STRA8: variants seen among roughly 807,000 people sequenced by gnomAD.
STRA8 encodes the protein stimulated by retinoic acid gene 8 protein homolog.
Under a neutral mutation model 37.1 loss-of-function variants are expected in STRA8, and 18 were observed. The observed-to-expected ratio is 0.48, with a 90% CI of 0.34 to 0.72. The LOEUF (loss-of-function observed/expected upper bound fraction) is 0.72, where lower values mean the gene tolerates loss of function less well. STRA8 is among the 30% of genes least tolerant of loss of function. The probability of loss-of-function intolerance (pLI) is 0.01; values close to 1 mark genes in which losing one functional copy is unlikely to be tolerated. For synonymous variants in STRA8, 168 were observed against 162.9 expected (o/e 1.03, Z -0.24); for missense variants, 357 against 410.4 (o/e 0.87, Z 1.13).
chr7:135,240,552 C>CCCTGAAGAAAA lies in STRA8; in HGVS notation c.30_31insTGAAGAAAACC (p.His11Ter). 6.2e-7 allele frequency: 1 copy of CCCTGAAGAAAA among 1,614,132 alleles called. No individual in the cohort carries two copies. The highest frequency in any genetic ancestry group is 1.7e-5 in the Admixed American group (1 of 60,010). On this transcript the variant is annotated stop_gained and frameshift_variant, in exon 2 of 9. Transcript: ENST00000662584. LOFTEE classifies it high-confidence loss of function. ...GGCAACCCCTGAAGAAAACAGCAAT[C>CCCTGAAGAAAA]CCCATGACAGAGCAACACCCCAGCT...
Position 135,246,292 on chromosome 7 carries a change from C to G in STRA8, c.594-125C>G, listed in dbSNP as rs978615606. The G allele has an allele frequency of 2.3e-6, 3 of 1,301,468 alleles. No homozygotes were observed. Among genetic ancestry groups the G allele is most frequent in the Non-Finnish European group, 3.2e-6 (3 of 928,572 alleles). 80.6% of individuals were successfully genotyped at this position (1,301,468 alleles called of 1,614,324 possible). A position where few individuals can be genotyped will look rare whatever the true frequency, so the allele number is the denominator to read the frequency against. ...CAGGGGCGTGCAGAGTCTGAGAAGT[C>G]TCAGCCCTGGTGAGCCGTGGCGCCG... is the stretch of plus-strand genomic sequence containing the variant. On this transcript the variant is annotated intron_variant, in intron 5 of 8. Transcript: ENST00000662584. The surrounding 1 kb of genome is among the most constrained non-coding windows in gnomAD (Gnocchi z 5.4).
At chr7:135,232,007 T>C (rs773111637), upstream of STRA8, 9 of 1,614,102 alleles carry the variant, frequency 5.6e-6, no homozygotes, top group Non-Finnish European at 7.6e-6. Flanking sequence ...GACAAGATCC[T>C]CTTTTTCAAT....
intron 4 of STRA8, 118 bp from the exon 5 acceptor site, chr7:135,245,170 C>CCAA: frequency 1.5e-6 from 1 of 689,364 alleles, no homozygotes. Context: ...ATGATGTGTA[C>CCAA]ACCTACACAC....
At chr7:135,243,955 C>G (rs2117800008) in intron 4 of STRA8, among the ~76,000 whole-genome samples, 1 of 152,342 alleles carries the variant, frequency 6.6e-6, no homozygotes. Context: ...GTCACAAATG[C>G]TGAAAGGGGA....
rs551242009 is a variant in STRA8 at position 135,247,920 on chromosome 7, C to A, written c.879+1218C>A. Among the ~76,000 whole-genome samples, 554 of 152,354 alleles carry A rather than the reference C, an allele frequency of 3.6e-3. 3 individuals are homozygous for A. Among genetic ancestry groups the A allele is most frequent in the African/African-American group, 0.012 (514 of 41,582 alleles). ...CACGGCCCACGCTCGCTCCTCTAGC[C>A]CAGGCGCAGCCGATTCGCATTCTGC... On this transcript the variant is annotated intron_variant, in intron 6 of 8. Coordinates refer to ENST00000662584, the MANE Select transcript of STRA8 (RefSeq NM_001394401.1).
At chr7:135,242,941 C>A in intron 3 of STRA8, 85 bp downstream of exon 3, 1 of 1,410,820 alleles carries the variant, frequency 7.1e-7, no homozygotes. Flanking sequence ...AGTTGGGTTA[C>A]AATGAATCAA....
upstream of STRA8, among the ~76,000 whole-genome samples, chr7:135,232,568 G>A (rs1832309221): frequency 6.6e-6 from 1 of 151,972 alleles, no homozygotes; most frequent in African/African-American, 2.4e-5. Flanking sequence ...GCTTGAGCCC[G>A]GGAATTCGAG....
intron 7 of STRA8, among the ~76,000 whole-genome samples, chr7:135,253,398 AG>A (rs1405282068): frequency 6.6e-6 from 1 of 152,192 alleles, no homozygotes; most frequent in Non-Finnish European, 1.5e-5. Flanking sequence ...TCTAGCACCC[AG>A]GGCAGCTTGC....
At chr7:135,257,269 G>C (rs2129480116) in intron 8 of STRA8, among the ~76,000 whole-genome samples, 1 of 152,284 alleles carries the variant, frequency 6.6e-6, no homozygotes, top group East Asian at 1.9e-4. Flanking sequence ...CTGATCTGCA[G>C]GGCTGACAAG....
chr7:135,233,964 T>C (rs1832329377), intron 1 of STRA8, among the ~76,000 whole-genome samples, 61 bp downstream of exon 1: 1 of 152,200 alleles, frequency 6.6e-6, no homozygotes, highest in Non-Finnish European at 1.5e-5. Flanking sequence ...AGTGTTTGTG[T>C]AGACTTGAAA....
chr7:135,237,709 C>T lies in STRA8; in HGVS notation c.-6-2810C>T, dbSNP rs59101961. On this transcript the variant is annotated intron_variant, in intron 1 of 8. Transcript: ENST00000662584. The stretch of plus-strand genomic sequence containing the variant: ...GAGTTCGAGACCAGCCTGACCAACA[C>T]GGTGAAACCCCGTCTCTACTAAAAA... Among the ~76,000 whole-genome samples the T allele has an allele frequency of 2.7e-4, 41 of 152,096 alleles. No homozygotes were observed. The East Asian group carries it at 7.2e-3, about 27-fold the overall frequency.
chr7:135,238,771 TCA>T (rs1585467933), intron 1 of STRA8, among the ~76,000 whole-genome samples: 1 of 152,246 alleles, frequency 6.6e-6, no homozygotes, highest in Non-Finnish European at 1.5e-5. Flanking sequence ...TTCAAAATCT[TCA>T]CAGTTTCACT....
intron 1 of STRA8, among the ~76,000 whole-genome samples, chr7:135,235,039 T>A (rs1832349441): frequency 6.6e-6 from 1 of 151,546 alleles, no homozygotes; most frequent in Non-Finnish European, 1.5e-5. Flanking sequence ...GCCCAGATAA[T>A]TTTTGTATTT....
rs748358560 is a variant in STRA8, at chr7:135,255,225, G to A, written c.1065G>A (p.Gln355=). The change falls in exon 8 of 9, where the codon CAG becomes CAA. Residue 355 remains glutamine (Q), a splice_region_variant and synonymous_variant. Transcript: ENST00000662584. The stretch of plus-strand genomic sequence containing the variant: ...GCTGTGCAAACACTCAAGTAAAGCA[G>A]GTAGGATGGAGTAGAGGGCCGTGGT... ...GLSCANTQVK[Q]EASFPVDEEM... The A allele has an allele frequency of 6.2e-7, 1 of 1,612,080 alleles. No individual in the cohort carries two copies. Among genetic ancestry groups the A allele is most frequent in the Non-Finnish European group, 8.5e-7 (1 of 1,178,246 alleles).
chr7:135,244,312 C>T (rs915385965), intron 4 of STRA8, among the ~76,000 whole-genome samples: 1 of 152,222 alleles, frequency 6.6e-6, no homozygotes, highest in Non-Finnish European at 1.5e-5. Context: ...CCTGCCTTGG[C>T]CTCCCAAAGT....
At chr7:135,238,383 G>A (rs182568567) in intron 1 of STRA8, among the ~76,000 whole-genome samples, 1 of 152,300 alleles carries the variant, frequency 6.6e-6, no homozygotes, top group African/African-American at 2.4e-5. Context: ...TATGGGGGAG[G>A]CAGAGGACTG....
At chr7:135,234,103 G>T (rs1647903) in intron 1 of STRA8, among the ~76,000 whole-genome samples, 200 bp downstream of exon 1, 138,266 of 147,420 alleles carry the variant, frequency 0.94, 65,491 homozygotes, top group East Asian at 1. Flanking sequence ...TGATGATGAT[G>T]ATTATTATTA....
rs114264408 is a variant in STRA8, at chr7:135,239,342, G to A, written c.-6-1177G>A. 3.5e-3 allele frequency among the ~76,000 whole-genome samples: 539 copies of A among 152,286 alleles called. 4 individuals are homozygous for A. The highest frequency in any genetic ancestry group is 0.012 in the African/African-American group (518 of 41,552). On this transcript the variant is annotated intron_variant, in intron 1 of 8. Coordinates refer to ENST00000662584, the MANE Select transcript of STRA8 (RefSeq NM_001394401.1). ...TCAGATCCGATGTTTTCAAGGCAGGGCCTGGGCATGTGTATTTTCAACAGT... is the reference window on the plus strand; with the variant it reads ...TCAGATCCGATGTTTTCAAGGCAGGACCTGGGCATGTGTATTTTCAACAGT...
intron 7 of STRA8, 118 bp downstream of exon 7, chr7:135,251,987 G>GAC (rs1001096340): frequency 1.1e-5 from 10 of 917,198 alleles, no homozygotes; most frequent in African/African-American, 3.4e-5. Context: ...CAGAGACAGA[G>GAC]AGAGGAGACA....
Sources: gnomAD v4.1 joint callset for allele counts (sites outside exome capture counted in the v4.1 genomes callset) on GRCh38, gnomAD v4.1.1 for gene constraint, Gnocchi (gnomAD v3.1) non-coding constraint, MANE v1.5 for transcripts, NCBI Gene and HGNC (gene_info 2026-07-23, HGNC 2026-07-21) for gene names.